Variants in DNAH6 observed in about 807,000 individuals in gnomAD.
DNAH6 encodes the protein dynein axonemal heavy chain 6.
A neutral mutation model predicts 491.4 loss-of-function variants in DNAH6; 340 were observed. The observed-to-expected ratio is 0.69, with a 90% CI of 0.63 to 0.76. DNAH6 has a LOEUF of 0.76. DNAH6 is among the 30% of genes least tolerant of loss of function. The pLI is 0.00. For synonymous variants in DNAH6, 1,603 were observed against 1,686.1 expected (o/e 0.95, Z 1.21); for missense variants, 4,443 against 4,972.2 (o/e 0.89, Z 3.20).
rs374418741 is a variant in DNAH6, at chr2:84,704,059, A to G, written c.8230-8A>G. The G allele has an allele frequency of 4.0e-4, 612 of 1,548,534 alleles. No homozygotes were observed. Among genetic ancestry groups the G allele is most frequent in the Non-Finnish European group, 4.8e-4 (553 of 1,145,118 alleles). On this transcript the variant is annotated splice_polypyrimidine_tract_variant and splice_region_variant and intron_variant, in intron 50 of 76. Transcript: ENST00000389394. ...AGGCCACTTAAGCAGTCATGTTTCA[A>G]TGGTTAGGTCCGTAACACTGTGCAG...
intron 31 of DNAH6, 66 bp from the exon 32 acceptor site, chr2:84,640,364 G>T: frequency 2.0e-6 from 2 of 981,648 alleles, no homozygotes; most frequent in Non-Finnish European, 3.0e-6. Flanking sequence ...TGACTATGTT[G>T]GTATCATGCT....
chr2:84,709,247 C>A, intron 54 of DNAH6, 96 bp from the exon 55 acceptor site: 2 of 1,262,460 alleles, frequency 1.6e-6, no homozygotes, highest in East Asian at 2.5e-5. Context: ...CTTAGCTCTT[C>A]AGCCACTGAC....
chr2:84,556,311 C>A (rs1680016988), intron 10 of DNAH6, among the ~76,000 whole-genome samples: 1 of 152,118 alleles, frequency 6.6e-6, no homozygotes, highest in Admixed American at 6.5e-5. Context: ...TGGGCTAACA[C>A]TGGCATCATG....
At chr2:84,499,513 G>C in the DNAH6 span, among the ~76,000 whole-genome samples, 2 of 152,230 alleles carry the variant, frequency 1.3e-5, no homozygotes, top group Non-Finnish European at 1.5e-5. Context: ...TAGGAGTACA[G>C]ATATCTCTTC....
In DNAH6 at chr2:84,693,734, T is replaced by C. The variant is rs559795809; in HGVS notation, c.7293-515T>C. On this transcript the variant is annotated intron_variant, in intron 45 of 76. Coordinates refer to ENST00000389394, the MANE Select transcript of DNAH6 (RefSeq NM_001370.2). ...CTGGGCAACAGAGCAAGACTCTATC[T>C]CAAAAAAAAAAAAAAAATTCCTGTT... Among the ~76,000 whole-genome samples, 34 of 139,464 alleles carry C rather than the reference T, an allele frequency of 2.4e-4. 1 individual carries two copies. In the South Asian group the frequency reaches 5.8e-3, roughly 24 times the overall value. 91.5% of individuals were successfully genotyped at this position (139,464 alleles called of 152,430 possible). A position where few individuals can be genotyped will look rare whatever the true frequency, so the allele number is the denominator to read the frequency against.
At chr2:84,739,133 A>G (rs1407293845) in intron 62 of DNAH6, among the ~76,000 whole-genome samples, 2 of 152,168 alleles carry the variant, frequency 1.3e-5, no homozygotes, top group African/African-American at 4.8e-5. Context: ...GCTGACATTT[A>G]TTATCTTTAA....
chr2:84,563,721 G>A (rs1680893618), intron 11 of DNAH6, among the ~76,000 whole-genome samples: 1 of 152,046 alleles, frequency 6.6e-6, no homozygotes, highest in South Asian at 2.1e-4. Context: ...GTCAATTTTT[G>A]TTTTTGTTCC....
At chr2:84,686,861 A>C (rs995098213) in intron 44 of DNAH6, among the ~76,000 whole-genome samples, 4 of 152,226 alleles carry the variant, frequency 2.6e-5, no homozygotes, top group Admixed American at 2.0e-4. Flanking sequence ...AATATTTACT[A>C]TCAGACCCTT....
chr2:84,575,516 G>A (rs934486104), intron 12 of DNAH6, among the ~76,000 whole-genome samples: 1 of 152,158 alleles, frequency 6.6e-6, no homozygotes, highest in Non-Finnish European at 1.5e-5. Flanking sequence ...ATAGAGATAA[G>A]GCAACCTCAG....
chr2:84,735,537 C>T (rs539131425), intron 62 of DNAH6, among the ~76,000 whole-genome samples: 12 of 152,266 alleles, frequency 7.9e-5, no homozygotes, highest in African/African-American at 2.6e-4. Flanking sequence ...CTCTTTTCTC[C>T]ACAACCTTGC....
intron 67 of DNAH6, 150 bp downstream of exon 67, chr2:84,785,906 T>G: frequency 6.7e-6 from 5 of 747,712 alleles, no homozygotes; most frequent in Non-Finnish European, 1.0e-5. Flanking sequence ...ATTCAATCTC[T>G]ATACTCCCCT....
At chr2:84,502,131 GTTC>G in the DNAH6 span, among the ~76,000 whole-genome samples, 110 of 152,078 alleles carry the variant, frequency 7.2e-4, no homozygotes, top group African/African-American at 2.5e-3. Context: ...TTTATTTGAA[GTTC>G]TTCTTTTTTC....
intron 62 of DNAH6, among the ~76,000 whole-genome samples, chr2:84,739,962 A>G (rs147295449): frequency 6.2e-4 from 92 of 148,240 alleles, no homozygotes; most frequent in African/African-American, 2.2e-3. Context: ...GTCTTTTTGT[A>G]TTGCTGGGGT....
the DNAH6 span, among the ~76,000 whole-genome samples, chr2:84,483,583 C>T: frequency 6.6e-6 from 1 of 152,006 alleles, no homozygotes; most frequent in East Asian, 1.9e-4. Flanking sequence ...CCATGTTTCT[C>T]CCTACTCCCC....
intron 70 of DNAH6, among the ~76,000 whole-genome samples, chr2:84,803,097 C>T (rs1679081143): frequency 6.6e-6 from 1 of 152,164 alleles, no homozygotes; most frequent in Admixed American, 6.5e-5. Context: ...TAACTGCCTA[C>T]ATCAAAAAGG....
intron 40 of DNAH6, among the ~76,000 whole-genome samples, chr2:84,673,110 G>A (rs1449605169): frequency 6.6e-6 from 1 of 152,146 alleles, no homozygotes. Flanking sequence ...GATGGGAGAA[G>A]CCTCCCAGAA....
At chr2:84,477,278 G>A in the DNAH6 span, among the ~76,000 whole-genome samples, 2 of 152,156 alleles carry the variant, frequency 1.3e-5, no homozygotes, top group African/African-American at 2.4e-5. Flanking sequence ...AACATGTTCT[G>A]CTACTTGAGA....
intron 63 of DNAH6, among the ~76,000 whole-genome samples, chr2:84,753,148 G>A (rs1673632027): frequency 6.6e-6 from 1 of 152,140 alleles, no homozygotes; most frequent in African/African-American, 2.4e-5. Context: ...TAATGATAAT[G>A]AGCATCTTTT....
At chr2:84,559,433 C>T (rs1293141882) in intron 11 of DNAH6, among the ~76,000 whole-genome samples, 2 of 152,014 alleles carry the variant, frequency 1.3e-5, no homozygotes, top group Non-Finnish European at 2.9e-5. Context: ...CAAAAAAGAA[C>T]CTACTTGGGA....
Sources: gnomAD v4.1 joint callset for allele counts (sites outside exome capture counted in the v4.1 genomes callset) on GRCh38, gnomAD v4.1.1 for gene constraint, MANE v1.5 for transcripts, NCBI Gene and HGNC (gene_info 2026-07-23, HGNC 2026-07-21) for gene names.